Variants in PCDHGA3 observed in about 807,000 individuals in gnomAD.
The protein encoded by PCDHGA3 is protocadherin gamma-A3.
A neutral mutation model predicts 58.5 loss-of-function variants in PCDHGA3; 40 were observed. That is an observed-to-expected ratio of 0.68 (90% CI 0.53 to 0.89). The LOEUF (loss-of-function observed/expected upper bound fraction) is 0.89. Among genes scored for constraint, PCDHGA3 ranks in the 40% least tolerant of loss-of-function variants. PCDHGA3 has a pLI of 0.00. For missense variants in PCDHGA3, 1,223 were observed against 1,195.9 expected (o/e 1.02, Z -0.33); for synonymous variants, 530 against 525.7 (o/e 1.01, Z -0.11).
intron 1 of PCDHGA3, chr5:141,403,168 G>A: frequency 1.2e-6 from 2 of 1,614,032 alleles, no homozygotes; most frequent in African/African-American, 1.3e-5. Context: ...GAGGTAGGAC[G>A]CAGCTTTTCT....
chr5:141,455,860 ATTAT>A (rs145569377), intron 1 of PCDHGA3, among the ~76,000 whole-genome samples: 54,169 of 139,612 alleles, frequency 0.39, 10,686 homozygotes, highest in Admixed American at 0.44. Context: ...AATTTCTTTT[ATTAT>A]TTATTTATTT....
rs1007767889 is a variant in PCDHGA3, at chr5:141,360,273, C to G, written c.2424+13816C>G. On this transcript the variant is annotated intron_variant, in intron 1 of 3. Coordinates refer to ENST00000253812, the MANE Select transcript of PCDHGA3 (RefSeq NM_018916.4). Reference sequence around the variant, plus strand: ...CAGAGGAGCTGGCCAAAAACTCGGTCGTAGGAAACCTCGCCAAGGATCTGG... The same window carrying G: ...CAGAGGAGCTGGCCAAAAACTCGGTGGTAGGAAACCTCGCCAAGGATCTGG... 6.8e-6 allele frequency: 11 copies of G among 1,613,778 alleles called. No individual in the cohort carries two copies. The Admixed American group carries it at 8.3e-5, about 12-fold the overall frequency.
intron 1 of PCDHGA3, among the ~76,000 whole-genome samples, chr5:141,354,612 C>T (rs1759590702): frequency 6.6e-6 from 1 of 152,210 alleles, no homozygotes; most frequent in Non-Finnish European, 1.5e-5. Context: ...GTTCCTGTCC[C>T]ACTGTCTTTT....
chr5:141,507,861 C>G (rs538942097), intron 3 of PCDHGA3, among the ~76,000 whole-genome samples: 6 of 152,306 alleles, frequency 3.9e-5, no homozygotes, highest in South Asian at 4.1e-4. Flanking sequence ...CTTTCACACC[C>G]GCTTCCTAGC....
intron 1 of PCDHGA3, chr5:141,387,632 C>T (rs1345144425): frequency 3.4e-6 from 2 of 586,890 alleles, no homozygotes; most frequent in Non-Finnish European, 5.9e-6. Context: ...ACTCTGGGCG[C>T]CGCTGTTGGC....
At chr5:141,382,839 T>TA in intron 1 of PCDHGA3, 1 of 1,450,270 alleles carries the variant, frequency 6.9e-7, no homozygotes, top group South Asian at 1.4e-5. Flanking sequence ...TCCACCCGGA[T>TA]ACACCCGCAT....
intron 1 of PCDHGA3, among the ~76,000 whole-genome samples, chr5:141,472,409 C>T (rs2099279484): frequency 6.6e-6 from 1 of 152,016 alleles, no homozygotes; most frequent in South Asian, 2.1e-4. Flanking sequence ...GGCGTGGTGG[C>T]ACGCACCTGT....
At chr5:141,473,039 A>G (rs1593411714) in intron 1 of PCDHGA3, among the ~76,000 whole-genome samples, 1 of 152,016 alleles carries the variant, frequency 6.6e-6, no homozygotes, top group East Asian at 1.9e-4. Context: ...GGAAGGAAAG[A>G]AAGAAAGAAG....
intron 1 of PCDHGA3, among the ~76,000 whole-genome samples, chr5:141,353,938 T>C (rs556753346): frequency 1.1e-3 from 168 of 152,368 alleles, no homozygotes; most frequent in Non-Finnish European, 2.0e-3. Flanking sequence ...CTACTGCTAA[T>C]TGTTAAGTGA....
chr5:141,397,609 G>A (rs2093544805), intron 1 of PCDHGA3, among the ~76,000 whole-genome samples: 1 of 152,186 alleles, frequency 6.6e-6, no homozygotes. Flanking sequence ...AGTGACAAGG[G>A]CAATACTTAG....
In PCDHGA3 at chr5:141,486,247, C is replaced by T. The variant is rs935513223; in HGVS notation, c.2425-8560C>T. The T allele has an allele frequency of 2.5e-6, 4 of 1,614,014 alleles. No homozygotes were observed. The African/African-American group carries it at 5.3e-5, about 22-fold the overall frequency. On this transcript the variant is annotated intron_variant, in intron 1 of 3. Transcript: ENST00000253812. This position sits in a 1 kb window ranked among gnomAD's most constrained non-coding sequence, Gnocchi z 5.0. Reference sequence around the variant, plus strand: ...TCACAGTGACCTCAGAGCTTGGAACCCTCCCCGAGAGTGCAGAACCTGGCA... The same window carrying T: ...TCACAGTGACCTCAGAGCTTGGAACTCTCCCCGAGAGTGCAGAACCTGGCA...
chr5:141,388,803 T>G lies in PCDHGA3; in HGVS notation c.2424+42346T>G, dbSNP rs774082539. The G allele has an allele frequency of 3.1e-6, 5 of 1,613,936 alleles. No individual in the cohort carries two copies. In the East Asian group the frequency reaches 1.1e-4, roughly 36 times the overall value. ...AATTACTGTTTTAAATACATTAGATTTTGAAGAAGTCAAAGAATATTCCAT... is the reference window on the plus strand; with the variant it reads ...AATTACTGTTTTAAATACATTAGATGTTGAAGAAGTCAAAGAATATTCCAT... On this transcript the variant is annotated intron_variant, in intron 1 of 3. Transcript: ENST00000253812.
At chr5:141,351,460 G>C in intron 1 of PCDHGA3, 1 of 1,613,528 alleles carries the variant, frequency 6.2e-7, no homozygotes, top group South Asian at 1.1e-5. Context: ...ATTACAAGCT[G>C]GTGATTGCTG....
In PCDHGA3 at chr5:141,487,743, G is replaced by C. The variant is rs1424889718; in HGVS notation, c.2425-7064G>C. The C allele has an allele frequency of 1.9e-6, 3 of 1,559,988 alleles. No homozygotes were observed. Among genetic ancestry groups the C allele is most frequent in the Non-Finnish European group, 2.6e-6 (3 of 1,150,774 alleles). ...AGTGATGTCACCATTTTTGTAAGAG[G>C]TAACTATGTGGTAGACGCTGTGCTT... On this transcript the variant is annotated intron_variant, in intron 1 of 3. Transcript: ENST00000253812. The surrounding 1 kb of genome is among the most constrained non-coding windows in gnomAD (Gnocchi z 5.0).
Position 141,364,754 on chromosome 5 carries a change from G to T in PCDHGA3, c.2424+18297G>T. ...CCGGGATGAAGAGTTAAAAGTAAAA[G>T]TTAATGAAAATGCGGCTGCAGGGAC... On this transcript the variant is annotated intron_variant, in intron 1 of 3. Transcript: ENST00000253812. The T allele has an allele frequency of 6.2e-7, 1 of 1,613,988 alleles. No individual in the cohort carries two copies. The highest frequency in any genetic ancestry group is 8.5e-7 in the Non-Finnish European group (1 of 1,179,900).
intron 1 of PCDHGA3, chr5:141,357,826 T>A (rs1760741595): frequency 1.5e-6 from 1 of 686,352 alleles, no homozygotes; most frequent in Non-Finnish European, 2.4e-6. Context: ...TCCTTTTTGG[T>A]CTTCATTCAG....
In PCDHGA3 at chr5:141,487,605, A is replaced by G. The variant is rs202066746; in HGVS notation, c.2425-7202A>G. Reference sequence around the variant, plus strand: ...AGCTGCCCACCCTCTGATCTTCTCTATGGGCTAGAGGTGAGACCTTTGCAG... The same window carrying G: ...AGCTGCCCACCCTCTGATCTTCTCTGTGGGCTAGAGGTGAGACCTTTGCAG... On this transcript the variant is annotated intron_variant, in intron 1 of 3. Transcript: ENST00000253812. The surrounding 1 kb of genome is among the most constrained non-coding windows in gnomAD (Gnocchi z 5.0). 8.7e-6 allele frequency: 14 copies of G among 1,614,008 alleles called. No individual in the cohort carries two copies. In the South Asian group the frequency reaches 8.8e-5, roughly 10 times the overall value.
At position 141,485,305 on chromosome 5, in the gene PCDHGA3, T is replaced by C. The variant is rs1344645695; in HGVS notation, c.2425-9502T>C. The C allele has an allele frequency of 3.7e-6, 6 of 1,614,000 alleles. No individual in the cohort carries two copies. In the East Asian group the frequency reaches 1.3e-4, roughly 36 times the overall value. Reference sequence around the variant, plus strand: ...CAGAGGAGTCACAGGAAGGGACTTTTGTAGGGAATGTCGCTCAAGATTTCC... The same window carrying C: ...CAGAGGAGTCACAGGAAGGGACTTTCGTAGGGAATGTCGCTCAAGATTTCC... On this transcript the variant is annotated intron_variant, in intron 1 of 3. Coordinates refer to ENST00000253812, the MANE Select transcript of PCDHGA3 (RefSeq NM_018916.4). This position sits in a 1 kb window ranked among gnomAD's most constrained non-coding sequence, Gnocchi z 5.7.
At chr5:141,364,288 A>T in intron 1 of PCDHGA3, 2 of 1,517,690 alleles carry the variant, frequency 1.3e-6, no homozygotes, top group Non-Finnish European at 1.8e-6. Context: ...AGGAAACAGC[A>T]GGCTGAACCA....
Sources: allele counts gnomAD v4.1 joint callset (sites outside exome capture counted in the v4.1 genomes callset), GRCh38; gene constraint gnomAD v4.1.1; non-coding constraint Gnocchi (gnomAD v3.1); transcripts MANE v1.5; gene names NCBI Gene and HGNC (gene_info 2026-07-23, HGNC 2026-07-21).